Variants in IL9R observed in about 807,000 individuals in gnomAD.
IL9R encodes the protein interleukin 9 receptor, also known as interleukin-9 receptor.
Under a neutral mutation model 56.3 loss-of-function variants are expected in IL9R, and 54 were observed. The ratio of observed to expected loss-of-function variants is 0.96; its 90% CI spans 0.77 to 1.20. The LOEUF is 1.20. IL9R is among the 50% of genes most tolerant of loss of function. The pLI, the probability that IL9R is intolerant of heterozygous loss-of-function variation, is 0.00. For missense variants in IL9R, 545 were observed against 629.8 expected, an observed-to-expected ratio of 0.87 and a Z score of 1.44; for synonymous variants, 212 against 250.2, an observed-to-expected ratio of 0.85 and a Z score of 1.44.
intron 8 of IL9R, among the ~76,000 whole-genome samples, chrX:156,009,248 G>GTGTGTGTGTGTGTGTGTA (rs1569479052): frequency 2.1e-5 from 2 of 94,964 alleles, no homozygotes; most frequent in South Asian, 3.9e-4. Context: ...TGTGGTGTGT[G>GTGTGTGTGTGTGTGTGTA]TGTCTGTGTG....
At chrX:156,004,697 G>GCA in intron 5 of IL9R, 132 bp downstream of exon 5, 1 of 870,130 alleles carries the variant, frequency 1.1e-6, no homozygotes. Flanking sequence ...GGGTGTGTGT[G>GCA]CACACACACA....
intron 5 of IL9R, 83 bp from the exon 6 acceptor site, chrX:156,005,195 G>A: frequency 9.6e-7 from 1 of 1,037,310 alleles, no homozygotes; most frequent in South Asian, 1.3e-5. Flanking sequence ...TGTTATATGA[G>A]CATATAATGC....
At chrX:156,001,255 T>C (rs2067501098) in intron 1 of IL9R, 2 of 717,558 alleles carry the variant, frequency 2.8e-6, no homozygotes, top group South Asian at 3.1e-5. Context: ...GTTTCTCCAC[T>C]GCTGGGGCAG....
At chrX:155,999,606 A>G (rs1040628738) in intron 1 of IL9R, among the ~76,000 whole-genome samples, 5 of 152,164 alleles carry the variant, frequency 3.3e-5, no homozygotes, top group Non-Finnish European at 7.4e-5. Context: ...CATGTGGTCC[A>G]GAGAGGGAGC....
chrX:156,003,975 C>T (rs1179957717), intron 4 of IL9R, 120 bp downstream of exon 4: 19 of 1,055,664 alleles, frequency 1.8e-5, no homozygotes, highest in East Asian at 2.6e-5. Context: ...CAGTCCCAGC[C>T]GAGTGAGATC....
At chrX:156,009,254 G>GTGTGTGTGTTC (rs2068287581) in intron 8 of IL9R, among the ~76,000 whole-genome samples, 1 of 58,366 alleles carries the variant, frequency 1.7e-5, no homozygotes, top group Admixed American at 1.6e-4. Context: ...GTGTGTGTCT[G>GTGTGTGTGTTC]TGTGTGTGTG....
chrX:155,999,242 C>T (rs1402610321), intron 1 of IL9R, among the ~76,000 whole-genome samples: 4 of 152,074 alleles, frequency 2.6e-5, no homozygotes, highest in African/African-American at 7.2e-5. Context: ...GCCTACTCCC[C>T]TCTGCCCTGG....
intron 2 of IL9R, 78 bp from the exon 3 acceptor site, chrX:156,003,371 G>A: frequency 9.9e-7 from 1 of 1,014,664 alleles, no homozygotes; most frequent in Non-Finnish European, 1.6e-6. Context: ...GGTGTCAGCT[G>A]TCAGATCCTC....
intron 5 of IL9R, 29 bp from the exon 6 acceptor site, chrX:156,005,249 C>T (rs1239291218): frequency 2.5e-6 from 4 of 1,604,104 alleles, no homozygotes; most frequent in Non-Finnish European, 3.4e-6. Context: ...CCCACCTTCA[C>T]CACCTGCTAA....
intron 8 of IL9R, among the ~76,000 whole-genome samples, chrX:156,008,869 CTGTGTG>C (rs1283159353): frequency 9.8e-4 from 145 of 147,868 alleles, no homozygotes; most frequent in African/African-American, 2.4e-3. Flanking sequence ...GTGTGTGTGT[CTGTGTG>C]TGTGTGTGTG....
At chrX:156,001,316 C>T in intron 1 of IL9R, 1 of 890,338 alleles carries the variant, frequency 1.1e-6, no homozygotes, top group South Asian at 1.3e-5. Context: ...GCCGTTGTGC[C>T]TGTGCTTCCC....
In IL9R at chrX:156,004,404, A is replaced by G. The variant is rs371824632; in HGVS notation, c.434-16A>G. On this transcript the variant is annotated splice_polypyrimidine_tract_variant and intron_variant, in intron 4 of 8. Coordinates refer to ENST00000244174, the MANE Select transcript of IL9R (RefSeq NM_002186.3). ...CCCATGGGGCTTCAGCCTCACATGG[A>G]TTCACTCTGTTCCAGTTAAGCTGGA... 2 of 1,613,612 alleles carry G rather than the reference A, an allele frequency of 1.2e-6. No homozygotes were observed. The highest frequency in any genetic ancestry group is 1.7e-6 in the Non-Finnish European group (2 of 1,179,766).
At chrX:156,000,968 C>T (rs2067481492) in intron 1 of IL9R, among the ~76,000 whole-genome samples, 1 of 152,126 alleles carries the variant, frequency 6.6e-6, no homozygotes, top group Non-Finnish European at 1.5e-5. Flanking sequence ...GGTGACCCTG[C>T]CCTGCTCAGC....
At chrX:156,009,248 G>GTGTGTGTGTGTA (rs1569479052) in intron 8 of IL9R, among the ~76,000 whole-genome samples, 37 of 94,974 alleles carry the variant, frequency 3.9e-4, no homozygotes, top group East Asian at 2.9e-3. Context: ...TGTGGTGTGT[G>GTGTGTGTGTGTA]TGTCTGTGTG....
Position 156,004,242 on chromosome X carries a change from G to T in IL9R, c.434-178G>T, listed in dbSNP as rs778106726. Reference sequence around the variant, plus strand: ...AGTCTAGGTGCAGAGGCCAGAGGAAGTCATTGCTGTCCTGTCCCGCCTGGG... The same window carrying T: ...AGTCTAGGTGCAGAGGCCAGAGGAATTCATTGCTGTCCTGTCCCGCCTGGG... On this transcript the variant is annotated intron_variant, in intron 4 of 8. Coordinates refer to ENST00000244174, the MANE Select transcript of IL9R (RefSeq NM_002186.3). 4 of 631,800 alleles carry T rather than the reference G, an allele frequency of 6.3e-6. No individual in the cohort carries two copies. The East Asian group carries it at 1.1e-4, about 17-fold the overall frequency. 39.1% of individuals were successfully genotyped at this position (631,800 alleles called of 1,614,324 possible).
rs1027332393 is a variant in IL9R, at chrX:156,009,930, C to G, written c.1087C>G (p.Pro363Ala). Reference protein sequence around the residue: ...QEATALLTCGPARPWKSVALE... With the variant: ...QEATALLTCGAARPWKSVALE... The stretch of plus-strand genomic sequence containing the variant: ...GGCCACTGCACTGCTCACTTGTGGC[C>G]CAGCGCGTCCTTGGAAATCTGTGGC... Residue 363 changes from proline to alanine, a missense_variant, in exon 9 of 9, where the codon CCA (proline) becomes GCA (alanine). Pro to Ala is a conservative substitution (Grantham distance 27, BLOSUM62 -1). This residue lies in a region of IL9R where 114 missense variants were observed against 269.8 expected (regional missense o/e 0.42). Coordinates refer to ENST00000244174, the MANE Select transcript of IL9R (RefSeq NM_002186.3). 6.4e-7 allele frequency: 1 copy of G among 1,555,896 alleles called. No individual in the cohort carries two copies. The highest frequency in any genetic ancestry group is 8.6e-7 in the Non-Finnish European group (1 of 1,162,188).
At chrX:155,998,777 A>T (rs1391138671) in intron 1 of IL9R, among the ~76,000 whole-genome samples, 1 of 151,906 alleles carries the variant, frequency 6.6e-6, no homozygotes, top group African/African-American at 2.4e-5. Flanking sequence ...ATGCAACATG[A>T]TCAAACAGGG....
rs781726149 is a variant in IL9R, at chrX:156,005,423, C to T, written c.725C>T (p.Thr242Ile). 3 of 1,613,200 alleles carry T rather than the reference C, an allele frequency of 1.9e-6. No individual in the cohort carries two copies. The highest frequency in any genetic ancestry group is 2.5e-6 in the Non-Finnish European group (3 of 1,179,848). Reference protein sequence around the residue: ...EDDVVEEERYTGQWSEWSQPV... With the variant: ...EDDVVEEERYIGQWSEWSQPV... ...GATGTGGTAGAGGAGGAGCGTTATA[C>T]AGGCCAGTGGAGTGAGTGGAGCCAG... The change falls in exon 6 of 9, where the codon ACA becomes ATA. Residue 242 changes from threonine (T) to isoleucine (I), a missense_variant. Thr to Ile is a moderately conservative substitution (Grantham distance 89, BLOSUM62 -1). Coordinates refer to ENST00000244174, the MANE Select transcript of IL9R (RefSeq NM_002186.3).
intron 8 of IL9R, 113 bp from the exon 9 acceptor site, chrX:156,009,703 G>T (rs2068361913): frequency 1.9e-6 from 1 of 537,588 alleles, no homozygotes; most frequent in African/African-American, 2.8e-5. Flanking sequence ...GACCTCAGGA[G>T]GGCTTCCTGG....
Sources: gnomAD v4.1 joint callset for allele counts (sites outside exome capture counted in the v4.1 genomes callset) on GRCh38, gnomAD v4.1.1 for gene constraint, gnomAD v4.1.1 regional missense constraint, MANE v1.5 for transcripts, NCBI Gene and HGNC (gene_info 2026-07-23, HGNC 2026-07-21) for gene names.